The following LRRC7 variants were observed in gnomAD, a reference collection of about 807,000 sequenced individuals.
LRRC7 encodes the protein leucine-rich repeat-containing protein 7.
A neutral mutation model predicts 175.7 loss-of-function variants in LRRC7; 23 were observed. That is an observed-to-expected ratio of 0.13 (90% confidence interval 0.09 to 0.19). The LOEUF is 0.19. LRRC7 is among the 10% of genes least tolerant of loss of function. LRRC7 has a pLI of 1.00. For synonymous variants in LRRC7, 685 were observed against 680.9 expected (o/e 1.01, Z -0.09); for missense variants, 1,354 against 1,904.7 (o/e 0.71, Z 5.38).
At chr1:69,798,871 A>T (rs1163365283) in intron 4 of LRRC7, among the ~76,000 whole-genome samples, 1 of 152,170 alleles carries the variant, frequency 6.6e-6, no homozygotes, top group Non-Finnish European at 1.5e-5. Flanking sequence ...TGTCACACAC[A>T]GGGTTACTAA....
chr1:69,753,778 T>C (rs1670105473), intron 2 of LRRC7, among the ~76,000 whole-genome samples: 1 of 152,074 alleles, frequency 6.6e-6, no homozygotes, highest in Non-Finnish European at 1.5e-5. Context: ...ACTTTCAATC[T>C]AGTAAAGAAG....
chr1:70,091,727 G>A (rs1048832113), intron 25 of LRRC7, among the ~76,000 whole-genome samples: 1 of 152,118 alleles, frequency 6.6e-6, no homozygotes, highest in Non-Finnish European at 1.5e-5. Context: ...TGACTCTAGT[G>A]AGACTGAACT....
chr1:69,838,139 C>A lies in LRRC7; in HGVS notation c.591-88C>A, dbSNP rs189638972. 422 of 801,926 alleles carry A rather than the reference C, an allele frequency of 5.3e-4. 1 individual carries two copies. The South Asian group carries it at 5.9e-3, about 11-fold the overall frequency. The allele number at this position is 801,926 out of a possible 1,614,324, so 49.7% of individuals were successfully genotyped here. On this transcript the variant is annotated intron_variant, in intron 6 of 26. Coordinates refer to ENST00000651989, the MANE Select transcript of LRRC7 (RefSeq NM_001370785.2). The stretch of plus-strand genomic sequence containing the variant: ...TATACATTATTGTTAACCATAGTAA[C>A]CCTATAGTGCTACCAAATACTAGAT...
intron 8 of LRRC7, among the ~76,000 whole-genome samples, chr1:69,939,349 G>T (rs1648458290): frequency 6.6e-6 from 1 of 151,922 alleles, no homozygotes; most frequent in Non-Finnish European, 1.5e-5. Flanking sequence ...ACATGAAGAG[G>T]CTGATTCTAG....
rs572655572 is a variant in LRRC7, at chr1:70,003,124, G to A, written c.1004+8491G>A. Among the ~76,000 whole-genome samples, 6 of 152,224 alleles carry A rather than the reference G, an allele frequency of 3.9e-5. No homozygotes were observed. The South Asian group carries it at 1.2e-3, about 32-fold the overall frequency. ...CTCTTGGCTTGTAGGCGACCACCAT[G>A]TTGCTGTGAGTTTACATGACCTCTT... On this transcript the variant is annotated intron_variant, in intron 11 of 26. Coordinates refer to ENST00000651989, the MANE Select transcript of LRRC7 (RefSeq NM_001370785.2).
chr1:69,602,166 G>T (rs1647099887), intron 1 of LRRC7, among the ~76,000 whole-genome samples: 1 of 152,112 alleles, frequency 6.6e-6, no homozygotes, highest in South Asian at 2.1e-4. Context: ...GAACCCAGAT[G>T]CTCTGTCTTC....
intron 25 of LRRC7, among the ~76,000 whole-genome samples, chr1:70,090,216 G>A (rs1663919022): frequency 6.6e-6 from 1 of 152,166 alleles, no homozygotes; most frequent in African/African-American, 2.4e-5. Context: ...GTAGCAGAAT[G>A]ATGACATAGT....
At chr1:69,716,474 G>A (rs1665360390) in intron 2 of LRRC7, among the ~76,000 whole-genome samples, 1 of 151,640 alleles carries the variant, frequency 6.6e-6, no homozygotes, top group African/African-American at 2.4e-5. Context: ...CCTCTCTCAG[G>A]TCTTATTTTT....
At chr1:69,890,130 T>A (rs1193032848) in intron 7 of LRRC7, among the ~76,000 whole-genome samples, 1 of 152,248 alleles carries the variant, frequency 6.6e-6, no homozygotes, top group Admixed American at 6.5e-5. Context: ...GCATCTAGAA[T>A]GGTGAATCCT....
chr1:69,759,691 C>T (rs545298576), intron 2 of LRRC7, among the ~76,000 whole-genome samples: 1 of 152,150 alleles, frequency 6.6e-6, no homozygotes, highest in African/African-American at 2.4e-5. Context: ...CAGTAAATAT[C>T]TATTCACCGA....
intron 2 of LRRC7, among the ~76,000 whole-genome samples, chr1:69,715,972 A>C (rs926620955): frequency 1.3e-5 from 2 of 151,948 alleles, no homozygotes; most frequent in Admixed American, 6.6e-5. Flanking sequence ...TCTAATGTTT[A>C]GTGGCAGTGT....
In LRRC7 at chr1:70,128,988, GT is replaced by G. The variant is rs1666557331; in HGVS notation, c.*7102del. 6.6e-6 allele frequency among the ~76,000 whole-genome samples: 1 copy of G among 152,132 alleles called. No individual in the cohort carries two copies. The highest frequency in any genetic ancestry group is 1.5e-5 in the Non-Finnish European group (1 of 68,020). ...AAGCCGGGTGCGGTGACTTATGCCT[GT>G]AATCCCAGCACTTAGGGAGGCCGAG... On this transcript the variant is annotated 3_prime_UTR_variant, in exon 27 of 27. Transcript: ENST00000651989.
intron 8 of LRRC7, among the ~76,000 whole-genome samples, chr1:69,944,205 G>A (rs1250218304): frequency 2.0e-5 from 3 of 151,882 alleles, no homozygotes; most frequent in Non-Finnish European, 2.9e-5. Context: ...CAGATATGTC[G>A]TTTCAGCAGA....
chr1:69,753,082 C>A (rs1353953709), intron 2 of LRRC7, among the ~76,000 whole-genome samples: 1 of 151,986 alleles, frequency 6.6e-6, no homozygotes, highest in Non-Finnish European at 1.5e-5. Flanking sequence ...ATATGTACTT[C>A]CATATATTAT....
chr1:69,834,892 A>G (rs764863710), intron 6 of LRRC7, 23 bp downstream of exon 6: 1 of 1,566,884 alleles, frequency 6.4e-7, no homozygotes, highest in Non-Finnish European at 8.8e-7. Context: ...AATTTAAATT[A>G]TGCAATTATA....
At chr1:70,116,626 C>A (rs1665881849) in intron 26 of LRRC7, among the ~76,000 whole-genome samples, 1 of 150,346 alleles carries the variant, frequency 6.7e-6, no homozygotes. Context: ...TAGAATAAAA[C>A]TCATTAAAAC....
intron 7 of LRRC7, among the ~76,000 whole-genome samples, chr1:69,886,771 A>C (rs1266492416): frequency 1.3e-5 from 2 of 150,734 alleles, no homozygotes; most frequent in African/African-American, 4.9e-5. Flanking sequence ...GTTCCTTTCC[A>C]TGTTTAGCGC....
rs972821977 is a variant in LRRC7 at position 69,885,454 on chromosome 1, G to A, written c.648-46053G>A. On this transcript the variant is annotated intron_variant, in intron 7 of 26. Transcript: ENST00000651989. The stretch of plus-strand genomic sequence containing the variant: ...GGTAGTTTGTATTTCTGTGGGATCG[G>A]TGGTGATATCCCCTTTATCATTTTT... 4.6e-4 allele frequency among the ~76,000 whole-genome samples: 65 copies of A among 142,704 alleles called. 2 individuals carry two copies. In the Middle Eastern group the frequency reaches 0.014, roughly 31 times the overall value. 93.6% of individuals were successfully genotyped at this position (142,704 alleles called of 152,430 possible). A position where few individuals can be genotyped will look rare whatever the true frequency, so the allele number is the denominator to read the frequency against.
chr1:69,894,721 T>C (rs370887295), intron 7 of LRRC7, among the ~76,000 whole-genome samples: 23 of 152,320 alleles, frequency 1.5e-4, no homozygotes, highest in African/African-American at 4.6e-4. Context: ...GAAGACATTA[T>C]GTTAACTAAA....
Sources: gnomAD v4.1 joint callset for allele counts (sites outside exome capture counted in the v4.1 genomes callset) on GRCh38, gnomAD v4.1.1 for gene constraint, MANE v1.5 for transcripts, NCBI Gene and HGNC (gene_info 2026-07-23, HGNC 2026-07-21) for gene names.